FERRY3: variants seen among roughly 807,000 people sequenced by gnomAD.
The protein encoded by FERRY3 is protein C12orf4.
chr12:4,534,344 G>A, the FERRY3 span: 1 of 1,533,006 alleles, frequency 6.5e-7, no homozygotes, highest in Non-Finnish European at 8.7e-7. Flanking sequence ...CAAAATCCAG[G>A]TATAAATAGG....
chr12:4,500,087 ATAT>A, the FERRY3 span: 1 of 1,521,872 alleles, frequency 6.6e-7, no homozygotes, highest in Non-Finnish European at 9.1e-7. Flanking sequence ...GGTTAAATCA[ATAT>A]TATGATTATG....
the FERRY3 span, chr12:4,530,036 A>G: frequency 9.3e-6 from 15 of 1,612,728 alleles, no homozygotes; most frequent in Admixed American, 1.3e-4. Flanking sequence ...CAGGCCTTGC[A>G]TGCTCTAACG....
chr12:4,515,796 T>G, the FERRY3 span, among the ~76,000 whole-genome samples: 30 of 152,192 alleles, frequency 2.0e-4, no homozygotes, highest in Non-Finnish European at 3.8e-4. Context: ...GGACAGATCT[T>G]AAGTGTTCTC....
At chr12:4,515,616 C>T in the FERRY3 span, among the ~76,000 whole-genome samples, 1 of 151,916 alleles carries the variant, frequency 6.6e-6, no homozygotes, top group African/African-American at 2.4e-5. Flanking sequence ...GTTGAACTCA[C>T]ACTGATAGAG....
At chr12:4,523,566 C>A in the FERRY3 span, among the ~76,000 whole-genome samples, 1 of 152,152 alleles carries the variant, frequency 6.6e-6, no homozygotes, top group Non-Finnish European at 1.5e-5. Context: ...ACCCAAATGT[C>A]CATCAATGAT....
chr12:4,528,996 T>C, the FERRY3 span, among the ~76,000 whole-genome samples: 16 of 151,826 alleles, frequency 1.1e-4, no homozygotes, highest in African/African-American at 3.9e-4. Flanking sequence ...CTAAAACTAT[T>C]ATCTTAATGG....
chr12:4,518,705 AAAT>A, the FERRY3 span: 2 of 953,142 alleles, frequency 2.1e-6, no homozygotes, highest in Non-Finnish European at 1.5e-6. Flanking sequence ...TATTTTAAAA[AAAT>A]AATAATTAAA....
chr12:4,492,225 CAAAA>C, the FERRY3 span, among the ~76,000 whole-genome samples: 2 of 151,614 alleles, frequency 1.3e-5, no homozygotes, highest in African/African-American at 2.4e-5. Context: ...TTTTCTAAAA[CAAAA>C]AAAATTTTAG....
the FERRY3 span, chr12:4,525,236 A>C: frequency 6.2e-7 from 1 of 1,610,636 alleles, no homozygotes; most frequent in Non-Finnish European, 8.5e-7. Flanking sequence ...ATGAATAAGA[A>C]CAATACATAG....
chr12:4,500,447 G>GTT, the FERRY3 span: 1 of 931,658 alleles, frequency 1.1e-6, no homozygotes, highest in Non-Finnish European at 1.7e-6. Flanking sequence ...TGAACTAGTA[G>GTT]GGGTGTATCC....
the FERRY3 span, chr12:4,518,212 T>C: frequency 6.2e-7 from 1 of 1,614,180 alleles, no homozygotes; most frequent in Non-Finnish European, 8.5e-7. Context: ...CCAGCATATC[T>C]GCTCTCAGCA....
the FERRY3 span, among the ~76,000 whole-genome samples, chr12:4,528,477 C>G: frequency 6.6e-6 from 1 of 152,082 alleles, no homozygotes; most frequent in African/African-American, 2.4e-5. Context: ...CCACTCACTG[C>G]AGGTATCTCA....
the FERRY3 span, among the ~76,000 whole-genome samples, chr12:4,531,358 G>GT: frequency 6.6e-6 from 1 of 152,196 alleles, no homozygotes; most frequent in Non-Finnish European, 1.5e-5. Context: ...AGGAGCTACT[G>GT]TAAGACTGTA....
At chr12:4,499,163 C>T in the FERRY3 span, among the ~76,000 whole-genome samples, 3 of 152,180 alleles carry the variant, frequency 2.0e-5, no homozygotes, top group Non-Finnish European at 4.4e-5. Context: ...TCCTGACAAT[C>T]ACAATCTCTG....
the FERRY3 span, among the ~76,000 whole-genome samples, chr12:4,524,237 G>A: frequency 6.6e-6 from 1 of 152,088 alleles, no homozygotes; most frequent in East Asian, 1.9e-4. Flanking sequence ...CACATATGAT[G>A]CACCCTGATT....
chr12:4,498,535 G>C, the FERRY3 span, among the ~76,000 whole-genome samples: 527 of 152,302 alleles, frequency 3.5e-3, 4 homozygotes, highest in Admixed American at 5.0e-3. Context: ...TCATAGGATA[G>C]TACCAGGATT....
chr12:4,536,994 C>G, the FERRY3 span, among the ~76,000 whole-genome samples: 1 of 152,204 alleles, frequency 6.6e-6, no homozygotes, highest in Non-Finnish European at 1.5e-5. Flanking sequence ...TAAAAACTTT[C>G]TATGACATTC....
the FERRY3 span, among the ~76,000 whole-genome samples, chr12:4,501,451 G>A: frequency 3.3e-3 from 507 of 152,318 alleles, 2 homozygotes; most frequent in South Asian, 8.5e-3. Flanking sequence ...TGAGCAGCCA[G>A]CAAGCAAGTG....
the FERRY3 span, among the ~76,000 whole-genome samples, chr12:4,502,724 AT>A: frequency 6.6e-6 from 1 of 152,204 alleles, no homozygotes; most frequent in African/African-American, 2.4e-5. The surrounding 1 kb of genome is among the most constrained non-coding windows in gnomAD (Gnocchi z 4.2). Flanking sequence ...TATGGTTAAC[AT>A]TTCTAGTTGC....
Sources: gnomAD v4.1 joint callset for allele counts (sites outside exome capture counted in the v4.1 genomes callset) on GRCh38, gnomAD v4.1.1 for gene constraint, Gnocchi (gnomAD v3.1) non-coding constraint, MANE v1.5 for transcripts, NCBI Gene and HGNC (gene_info 2026-07-23, HGNC 2026-07-21) for gene names.